The following ZNF107 variants were observed in gnomAD, a reference collection of about 807,000 sequenced individuals.
ZNF107 encodes the protein C2H2 type zinc-finger protein.
ZNF107 carries 19 observed loss-of-function variants against 12.3 expected under a neutral mutation model. The observed-to-expected ratio is 1.55, with a 90% CI of 1.08 to 2.27. The LOEUF is 2.27. Among genes scored for constraint, ZNF107 ranks in the 30% most tolerant of loss-of-function variants. The pLI, the probability that ZNF107 is intolerant of heterozygous loss-of-function variation, is 0.00. For synonymous variants in ZNF107, 317 were observed against 330.5 expected, an observed-to-expected ratio of 0.96 and a Z score of 0.44; for missense variants, 958 against 979.9, an observed-to-expected ratio of 0.98 and a Z score of 0.30.
chr7:64,673,473 C>G (rs1331041108), intron 1 of ZNF107, among the ~76,000 whole-genome samples: 4 of 152,138 alleles, frequency 2.6e-5, no homozygotes, highest in Non-Finnish European at 5.9e-5. Flanking sequence ...CTTATGGATG[C>G]TGGATATTAG....
intron 1 of ZNF107, among the ~76,000 whole-genome samples, chr7:64,668,399 A>T (rs1328618079): frequency 7.0e-6 from 1 of 143,544 alleles, no homozygotes; most frequent in Non-Finnish European, 1.5e-5. Context: ...AAGTGAGAAC[A>T]TGCGGTGTTT....
At chr7:64,702,467 A>G (rs549236513) in intron 3 of ZNF107, among the ~76,000 whole-genome samples, 4 of 151,994 alleles carry the variant, frequency 2.6e-5, no homozygotes, top group African/African-American at 9.6e-5. Flanking sequence ...CTTCAATTAA[A>G]TACAAAAACT....
intron 1 of ZNF107, among the ~76,000 whole-genome samples, chr7:64,677,012 T>TA (rs1789437544): frequency 6.6e-6 from 1 of 152,282 alleles, no homozygotes; most frequent in African/African-American, 2.4e-5. Context: ...ATTGTATACT[T>TA]ACCAACATCC....
Position 64,705,944 on chromosome 7 carries a change from G to A in ZNF107, c.227-380G>A, listed in dbSNP as rs549094520. ...AGAAGCCAGAAATAAAGATGTATAT[G>A]TTTGTTATTATTTTTCTTGTCTTTA... On this transcript the variant is annotated intron_variant, in intron 3 of 3. Transcript: ENST00000620827. Among the ~76,000 whole-genome samples, 12 of 149,308 alleles carry A rather than the reference G, an allele frequency of 8.0e-5. No homozygotes were observed. The South Asian group carries it at 2.1e-3, about 26-fold the overall frequency.
intron 1 of ZNF107, among the ~76,000 whole-genome samples, chr7:64,675,974 C>G (rs1282805750): frequency 1.3e-5 from 2 of 152,172 alleles, no homozygotes; most frequent in Non-Finnish European, 2.9e-5. Flanking sequence ...GCCTCAGCCT[C>G]CTGAGTAGCT....
rs1372295473 is a variant in ZNF107, at chr7:64,708,924, A to G, written c.*268A>G. On this transcript the variant is annotated 3_prime_UTR_variant, in exon 4 of 4. Coordinates refer to ENST00000620827, the MANE Select transcript of ZNF107 (RefSeq NM_001282359.2). ...ATCCTTTAACTGATCCTCAACTTTT[A>G]CTAAACATAAGGTAATTCATACTGG... 9.0e-6 allele frequency: 5 copies of G among 552,946 alleles called. No homozygotes were observed. The highest frequency in any genetic ancestry group is 6.3e-5 in the Admixed American group (2 of 31,940). The allele number at this position is 552,946 out of a possible 1,614,324, so 34.3% of individuals were successfully genotyped here.
intron 1 of ZNF107, among the ~76,000 whole-genome samples, chr7:64,672,040 C>T (rs906697168): frequency 6.6e-6 from 1 of 152,026 alleles, no homozygotes; most frequent in Non-Finnish European, 1.5e-5. Flanking sequence ...CCCGCCTCGG[C>T]CTCCCAAAGT....
At chr7:64,681,909 G>A (rs1789694207) in intron 1 of ZNF107, among the ~76,000 whole-genome samples, 1 of 151,996 alleles carries the variant, frequency 6.6e-6, no homozygotes, top group South Asian at 2.1e-4. Flanking sequence ...CAGCCTAAAA[G>A]ATGCCTTCTA....
intron 3 of ZNF107, among the ~76,000 whole-genome samples, chr7:64,694,740 G>A (rs1187319224): frequency 1.3e-5 from 2 of 151,782 alleles, no homozygotes; most frequent in Non-Finnish European, 2.9e-5. Flanking sequence ...AGAAAGTAGG[G>A]CACCTTTTAT....
Position 64,708,540 on chromosome 7 carries a change from A to G in ZNF107, c.2443A>G (p.Lys815Glu), listed in dbSNP as rs201307564. ...ACATAAGATAATTCATACTGGAGAG[A>G]AACCCTACAAATGTGGAGATTATGG... ...NIHKIIHTGE[K>E]PYKCGDYGRA... Residue 815 changes from lysine (K) to glutamate (E), a missense_variant, in exon 4 of 4, where the codon AAA (lysine) becomes GAA (glutamate). By Grantham distance (56) the Lys-to-Glu change is moderately conservative (BLOSUM62 1). Coordinates refer to ENST00000620827, the MANE Select transcript of ZNF107 (RefSeq NM_001282359.2). 5.0e-6 allele frequency: 8 copies of G among 1,613,088 alleles called. No homozygotes were observed. The highest frequency in any genetic ancestry group is 6.8e-6 in the Non-Finnish European group (8 of 1,179,486).
chr7:64,701,511 T>G (rs2128966670), intron 3 of ZNF107, among the ~76,000 whole-genome samples: 1 of 152,192 alleles, frequency 6.6e-6, no homozygotes, highest in Middle Eastern at 3.4e-3. Context: ...GTACTGGGAT[T>G]ACAAGTGTTA....
chr7:64,690,304 ATT>A, intron 1 of ZNF107: 1 of 943,484 alleles, frequency 1.1e-6, no homozygotes. Flanking sequence ...TAATTAGTAT[ATT>A]TACACAGTTG....
At chr7:64,704,779 G>A (rs931736548) in intron 3 of ZNF107, among the ~76,000 whole-genome samples, 5 of 152,100 alleles carry the variant, frequency 3.3e-5, no homozygotes, top group South Asian at 2.1e-4. Flanking sequence ...GGGTTCAAGC[G>A]ATTCTTCTGC....
chr7:64,684,616 T>G (rs1039265942), intron 1 of ZNF107: 18 of 985,376 alleles, frequency 1.8e-5, no homozygotes, highest in Non-Finnish European at 2.2e-5. Context: ...TTAAATGTCC[T>G]GCTCCTGTCC....
chr7:64,690,406 C>A (rs1224240580), intron 1 of ZNF107: 2 of 985,200 alleles, frequency 2.0e-6, no homozygotes, highest in Non-Finnish European at 2.4e-6. Flanking sequence ...TAGGTCTGGC[C>A]CCACCCTGGA....
chr7:64,710,874 T>G lies in ZNF107; in HGVS notation c.*2218T>G, dbSNP rs567656463. 2 of 152,272 alleles carry G rather than the reference T, an allele frequency of 1.3e-5. No individual in the cohort carries two copies. The highest frequency in any genetic ancestry group is 4.1e-4 in the South Asian group (2 of 4,826). 9.4% of individuals were successfully genotyped at this position (152,272 alleles called of 1,614,324 possible). On this transcript the variant is annotated 3_prime_UTR_variant, in exon 4 of 4. Coordinates refer to ENST00000620827, the MANE Select transcript of ZNF107 (RefSeq NM_001282359.2). ...GCTGTTTGTGTTTAACTTATAATAT[T>G]GAGTGATCCATGAAGTAGGTTTTCA... is the stretch of plus-strand genomic sequence containing the variant.
intron 1 of ZNF107, among the ~76,000 whole-genome samples, chr7:64,685,975 T>A (rs948150477): frequency 2.6e-5 from 4 of 152,092 alleles, no homozygotes; most frequent in Non-Finnish European, 5.9e-5. Context: ...TTTGTCCCCT[T>A]CCCTGTCCTA....
chr7:64,671,428 C>G (rs1789217407), intron 1 of ZNF107, among the ~76,000 whole-genome samples: 1 of 152,158 alleles, frequency 6.6e-6, no homozygotes, highest in Admixed American at 6.5e-5. Context: ...TACAAGTCTC[C>G]TGACATATTC....
intron 1 of ZNF107, chr7:64,686,913 G>C (rs1319717166): frequency 2.0e-6 from 2 of 985,282 alleles, no homozygotes; most frequent in Non-Finnish European, 2.4e-6. Flanking sequence ...CTTCAATCCA[G>C]ACCACGCTGT....
Sources: gnomAD v4.1 joint callset for allele counts (sites outside exome capture counted in the v4.1 genomes callset) on GRCh38, gnomAD v4.1.1 for gene constraint, MANE v1.5 for transcripts, NCBI Gene and HGNC (gene_info 2026-07-23, HGNC 2026-07-21) for gene names.